CASP8: variants seen among roughly 807,000 people sequenced by gnomAD.
CASP8 encodes caspase-8.
In CASP8, 24 loss-of-function variants were observed where a neutral mutation model predicts 46.3. The ratio of observed to expected loss-of-function variants is 0.52; its 90% confidence interval spans 0.38 to 0.73. CASP8 has a LOEUF of 0.73. CASP8 is among the 30% of genes least tolerant of loss of function. The pLI, the probability that CASP8 is intolerant of heterozygous loss-of-function variation, is 0.00. For missense variants in CASP8, 460 were observed against 559.0 expected (o/e 0.82, Z 1.79); for synonymous variants, 188 against 200.4 (o/e 0.94, Z 0.52).
In CASP8 at chr2:201,276,892, C is replaced by T. The variant is rs2125320042; in HGVS notation, c.726C>T (p.His242=). 6.2e-7 allele frequency: 1 copy of T among 1,614,056 alleles called. No homozygotes were observed. The highest frequency in any genetic ancestry group is 8.5e-7 in the Non-Finnish European group (1 of 1,179,922). ...GATACTGTCTGATCATCAACAATCA[C>T]AATTTTGCAAAAGCACGGGAGAAAG... The part of the protein sequence containing the change: ...PRGYCLIINN[H]NFAKAREKVP... Residue 242 remains histidine (H), a synonymous_variant, in exon 7 of 9, where the codon CAC becomes CAT. Coordinates refer to ENST00000673742, the MANE Select transcript of CASP8 (RefSeq NM_001372051.1).
chr2:201,256,025 T>G (rs1464889139), upstream of CASP8, among the ~76,000 whole-genome samples: 1 of 152,214 alleles, frequency 6.6e-6, no homozygotes, highest in East Asian at 1.9e-4. Context: ...TCCAAAGTGC[T>G]GGGATTACTG....
chr2:201,279,773 T>C (rs1194065412), intron 7 of CASP8, among the ~76,000 whole-genome samples: 3 of 152,058 alleles, frequency 2.0e-5, no homozygotes, highest in East Asian at 3.9e-4. Flanking sequence ...ACCAACATGG[T>C]GAAACCCCAT....
At chr2:201,262,746 A>G (rs1232853948) in intron 1 of CASP8, among the ~76,000 whole-genome samples, 2 of 152,236 alleles carry the variant, frequency 1.3e-5, no homozygotes, top group African/African-American at 2.4e-5. Flanking sequence ...CCCATAAGCT[A>G]GTGCAGAAAA....
intron 2 of CASP8, chr2:201,242,154 G>A (rs1339751991): frequency 6.6e-6 from 1 of 152,112 alleles, no homozygotes; most frequent in East Asian, 1.9e-4. Flanking sequence ...ATATTACAAA[G>A]CTATAGTAAT....
chr2:201,256,779 G>A (rs1039525346), upstream of CASP8, among the ~76,000 whole-genome samples: 1 of 152,190 alleles, frequency 6.6e-6, no homozygotes, highest in Non-Finnish European at 1.5e-5. Context: ...GCAACATATA[G>A]GTAATGTGTT....
Position 201,234,304 on chromosome 2 carries a change from G to A in CASP8, c.-27+192G>A, listed in dbSNP as rs80071101. Among the ~76,000 whole-genome samples, 668 of 152,284 alleles carry A rather than the reference G, an allele frequency of 4.4e-3. 3 individuals carry two copies. Among genetic ancestry groups the A allele is most frequent in the Non-Finnish European group, 7.2e-3 (492 of 68,010 alleles). ...GTGGATGGGGGAAGTATTTAGCCAA[G>A]TTTTTGAGACCTGTACTCGGAGCTA... On this transcript the variant is annotated intron_variant, in intron 2 of 6. Coordinates refer to the CASP8 transcript ENST00000264274.
chr2:201,251,976 G>A (rs959919863), intron 2 of CASP8, among the ~76,000 whole-genome samples: 4 of 151,928 alleles, frequency 2.6e-5, no homozygotes, highest in Non-Finnish European at 5.9e-5. Flanking sequence ...TCATTCCCAC[G>A]AGTAATGAAT....
chr2:201,250,094 T>C (rs1946712808), intron 2 of CASP8, among the ~76,000 whole-genome samples: 1 of 152,134 alleles, frequency 6.6e-6, no homozygotes, highest in Non-Finnish European at 1.5e-5. Flanking sequence ...AGCAAAGAGT[T>C]TGAAGTAAGT....
At chr2:201,241,745 C>T (rs1946309187) in intron 2 of CASP8, 1 of 152,174 alleles carries the variant, frequency 6.6e-6, no homozygotes, top group Admixed American at 6.5e-5. Context: ...AAAGACACCA[C>T]AAGAAATGAA....
At chr2:201,240,986 A>C (rs1946273857) in intron 2 of CASP8, 1 of 152,256 alleles carries the variant, frequency 6.6e-6, no homozygotes, top group Non-Finnish European at 1.5e-5. Context: ...AAATGAAAAG[A>C]AAAGCACAAC....
At chr2:201,264,262 G>A (rs1184030385) in intron 1 of CASP8, among the ~76,000 whole-genome samples, 2 of 152,122 alleles carry the variant, frequency 1.3e-5, no homozygotes, top group Non-Finnish European at 2.9e-5. Flanking sequence ...CTTATATATG[G>A]TTTTGAGTAT....
At chr2:201,244,802 G>A (rs1365597811) in intron 2 of CASP8, among the ~76,000 whole-genome samples, 1 of 152,174 alleles carries the variant, frequency 6.6e-6, no homozygotes, top group East Asian at 1.9e-4. Flanking sequence ...TGAGTCTTTA[G>A]AAAGGAATTG....
At chr2:201,275,500 C>T (rs762604146) in intron 6 of CASP8, among the ~76,000 whole-genome samples, 6 of 152,194 alleles carry the variant, frequency 3.9e-5, no homozygotes, top group African/African-American at 7.2e-5. Flanking sequence ...ACTTATTAGA[C>T]GATCTGCTCC....
At chr2:201,277,051 T>C (rs1948681066) in intron 7 of CASP8, 83 bp downstream of exon 7, 2 of 953,004 alleles carry the variant, frequency 2.1e-6, no homozygotes, top group Admixed American at 4.0e-5. Flanking sequence ...ACAAAAGCTA[T>C]ACCAAAAGGG....
At chr2:201,277,199 A>T (rs1576348272) in intron 7 of CASP8, 1 of 358,204 alleles carries the variant, frequency 2.8e-6, no homozygotes, top group South Asian at 3.5e-5. Context: ...TAAAATATCA[A>T]ATCTTACTAA....
At chr2:201,246,861 A>T (rs141698116) in intron 2 of CASP8, among the ~76,000 whole-genome samples, 1 of 152,030 alleles carries the variant, frequency 6.6e-6, no homozygotes, top group African/African-American at 2.4e-5. Context: ...AGGAGCAAGA[A>T]AGGAGCTGCA....
intron 1 of CASP8, chr2:201,233,693 C>G (rs887245363): frequency 2.6e-5 from 4 of 152,154 alleles, no homozygotes; most frequent in African/African-American, 9.7e-5. Flanking sequence ...TTCTTTTCCA[C>G]GTGAAAAGAT....
chr2:201,275,796 G>A (rs756233479), intron 6 of CASP8, among the ~76,000 whole-genome samples: 1 of 151,972 alleles, frequency 6.6e-6, no homozygotes, highest in African/African-American at 2.4e-5. Flanking sequence ...GCCAGGTCTC[G>A]AACTCCTGGC....
intron 2 of CASP8, among the ~76,000 whole-genome samples, chr2:201,249,931 A>G (rs1052055870): frequency 1.3e-5 from 2 of 152,228 alleles, no homozygotes; most frequent in Non-Finnish European, 2.9e-5. Flanking sequence ...TGAGAACCCT[A>G]TAACAGAAGA....
Sources: gnomAD v4.1 joint callset for allele counts (sites outside exome capture counted in the v4.1 genomes callset) on GRCh38, gnomAD v4.1.1 for gene constraint, MANE v1.5 for transcripts, NCBI Gene and HGNC (gene_info 2026-07-23, HGNC 2026-07-21) for gene names.